GALNT17: variants seen among roughly 807,000 people sequenced by gnomAD.
GALNT17 encodes the protein polypeptide N-acetylgalactosaminyltransferase 17.
In GALNT17, 29 loss-of-function variants were observed where a neutral mutation model predicts 63.7. The ratio of observed to expected loss-of-function variants is 0.46; its 90% confidence interval spans 0.34 to 0.62. The LOEUF (loss-of-function observed/expected upper bound fraction) is 0.62, where lower values mean the gene tolerates loss of function less well. Ranked by LOEUF, GALNT17 falls within the 20% of genes least tolerant of loss-of-function variation. The probability of loss-of-function intolerance (pLI) is 0.01; values close to 1 mark genes in which losing one functional copy is unlikely to be tolerated. For synonymous variants in GALNT17, 305 were observed against 318.3 expected, an observed-to-expected ratio of 0.96 and a Z score of 0.45; for missense variants, 603 against 799.6, an observed-to-expected ratio of 0.75 and a Z score of 2.97.
At chr7:71,207,397 C>T (rs1255678366) in intron 1 of GALNT17, among the ~76,000 whole-genome samples, 1 of 152,096 alleles carries the variant, frequency 6.6e-6, no homozygotes, top group Non-Finnish European at 1.5e-5. Context: ...CTTTCTGCCC[C>T]CATGTCCTTA....
chr7:71,178,253 A>G (rs1051658725), intron 1 of GALNT17, among the ~76,000 whole-genome samples: 1 of 152,104 alleles, frequency 6.6e-6, no homozygotes, highest in Admixed American at 6.5e-5. Flanking sequence ...TTTGGTCTCC[A>G]TGGCTTCTGA....
chr7:71,207,635 A>G (rs1789298136), intron 1 of GALNT17, among the ~76,000 whole-genome samples: 1 of 152,168 alleles, frequency 6.6e-6, no homozygotes, highest in South Asian at 2.1e-4. Context: ...TTCTGGAGGC[A>G]AAACACAACA....
chr7:71,453,523 T>C (rs1046720088), intron 5 of GALNT17, among the ~76,000 whole-genome samples: 1 of 152,130 alleles, frequency 6.6e-6, no homozygotes, highest in African/African-American at 2.4e-5. Flanking sequence ...TTCACTACCA[T>C]GAGAGCAGGT....
At chr7:71,583,050 G>A (rs1263379256) in intron 6 of GALNT17, among the ~76,000 whole-genome samples, 1 of 152,058 alleles carries the variant, frequency 6.6e-6, no homozygotes, top group African/African-American at 2.4e-5. Flanking sequence ...ATAATTTTGG[G>A]GAAAATTAGT....
intron 2 of GALNT17, among the ~76,000 whole-genome samples, chr7:71,340,363 A>T (rs766427626): frequency 2.0e-5 from 3 of 152,182 alleles, no homozygotes; most frequent in African/African-American, 7.2e-5. Context: ...TCCCAGCTCC[A>T]TTACCTCTCT....
chr7:71,228,780 C>G (rs1018837817), intron 1 of GALNT17, among the ~76,000 whole-genome samples: 1 of 152,190 alleles, frequency 6.6e-6, no homozygotes, highest in East Asian at 1.9e-4. Flanking sequence ...ATAATCCAGG[C>G]TAATGTCCCC....
At chr7:71,488,195 A>G (rs554851024) in intron 5 of GALNT17, among the ~76,000 whole-genome samples, 1 of 149,462 alleles carries the variant, frequency 6.7e-6, no homozygotes, top group East Asian at 2.0e-4. Flanking sequence ...AAAAACAGCC[A>G]AGGTAAGAGG....
At chr7:71,335,997 T>TCTTCTTCTTCTTC (rs1791894087) in intron 2 of GALNT17, among the ~76,000 whole-genome samples, 2 of 82,748 alleles carry the variant, frequency 2.4e-5, no homozygotes, top group African/African-American at 5.6e-5. Context: ...TTCTTCTTCT[T>TCTTCTTCTTCTTC]CTTCTTCTTC....
At chr7:71,165,970 A>C in intron 1 of GALNT17, among the ~76,000 whole-genome samples, 1 of 150,838 alleles carries the variant, frequency 6.6e-6, no homozygotes, top group Non-Finnish European at 1.5e-5. Flanking sequence ...TCCTCCTTAA[A>C]CTCTCTTCAC....
chr7:71,580,218 T>C (rs1789611592), intron 6 of GALNT17, among the ~76,000 whole-genome samples: 1 of 151,658 alleles, frequency 6.6e-6, no homozygotes, highest in Non-Finnish European at 1.5e-5. Flanking sequence ...GATGGATAGA[T>C]AGAGATGATA....
In GALNT17 at chr7:71,700,990, A is replaced by G. The variant is rs142438297; in HGVS notation, c.1501-9771A>G. 7.1e-4 allele frequency among the ~76,000 whole-genome samples: 108 copies of G among 152,288 alleles called. 2 individuals carry two copies. Among genetic ancestry groups the G allele is most frequent in the African/African-American group, 2.4e-3 (100 of 41,550 alleles). On this transcript the variant is annotated intron_variant, in intron 9 of 10. Transcript: ENST00000333538. Reference sequence around the variant, plus strand: ...AGCTAGAGATAGAGCAGTGAACAAAAAAGTTAAGCAAACACACCCCTGCCT... The same window carrying G: ...AGCTAGAGATAGAGCAGTGAACAAAGAAGTTAAGCAAACACACCCCTGCCT...
chr7:71,482,804 C>G (rs2116648004), intron 5 of GALNT17, among the ~76,000 whole-genome samples: 1 of 152,222 alleles, frequency 6.6e-6, no homozygotes, highest in Middle Eastern at 3.4e-3. Context: ...CAGGATGAAA[C>G]TGTTCCACCT....
intron 5 of GALNT17, among the ~76,000 whole-genome samples, chr7:71,549,409 A>C (rs1789038078): frequency 6.6e-6 from 1 of 152,116 alleles, no homozygotes; most frequent in African/African-American, 2.4e-5. Context: ...CTCTACAAAA[A>C]GTACATGAGT....
intron 9 of GALNT17, among the ~76,000 whole-genome samples, chr7:71,683,041 C>T (rs79570698): frequency 0.024 from 3,661 of 152,212 alleles, 142 homozygotes; most frequent in African/African-American, 0.081. Flanking sequence ...CCCAGTTCCA[C>T]CTGCGTGCGG....
intron 5 of GALNT17, among the ~76,000 whole-genome samples, chr7:71,468,148 C>G (rs953023046): frequency 2.6e-5 from 4 of 152,130 alleles, no homozygotes; most frequent in Admixed American, 2.6e-4. Flanking sequence ...CTGCCGCAGT[C>G]TATAGTGTAG....
At chr7:71,146,312 A>G (rs1203686954) in intron 1 of GALNT17, among the ~76,000 whole-genome samples, 2 of 152,162 alleles carry the variant, frequency 1.3e-5, no homozygotes, top group Admixed American at 1.3e-4. Flanking sequence ...TGCTGAGGCC[A>G]GTGCCAGTCT....
intron 3 of GALNT17, among the ~76,000 whole-genome samples, chr7:71,414,150 A>C (rs912801578): frequency 1.3e-5 from 2 of 152,184 alleles, no homozygotes; most frequent in African/African-American, 4.8e-5. Flanking sequence ...CTGAGGCAGG[A>C]GAATCACATG....
At chr7:71,429,787 A>G (rs1022553952) in intron 5 of GALNT17, among the ~76,000 whole-genome samples, 2 of 152,102 alleles carry the variant, frequency 1.3e-5, no homozygotes, top group African/African-American at 4.8e-5. Context: ...GCTCATTGCA[A>G]TCTCCACCTC....
intron 6 of GALNT17, among the ~76,000 whole-genome samples, chr7:71,575,394 T>C (rs1382146413): frequency 0.01 from 1 of 100 alleles, no homozygotes; most frequent in Admixed American, 0.071. Context: ...TTTTCTTGAT[T>C]TTTTTTTTTT....
Sources: allele counts gnomAD v4.1 joint callset (sites outside exome capture counted in the v4.1 genomes callset), GRCh38; gene constraint gnomAD v4.1.1; transcripts MANE v1.5; gene names NCBI Gene and HGNC (gene_info 2026-07-23, HGNC 2026-07-21).